Variants in LRRC28 observed in about 807,000 individuals in gnomAD.
LRRC28 encodes the protein leucine rich repeat containing 28.
LRRC28 carries 39 observed loss-of-function variants against 45.7 expected under a neutral mutation model. The ratio of observed to expected loss-of-function variants is 0.85; its 90% CI spans 0.66 to 1.12. The LOEUF (loss-of-function observed/expected upper bound fraction) is 1.12, where lower values mean the gene tolerates loss of function less well. Ranked by LOEUF, LRRC28 falls within the 50% of genes most tolerant of loss-of-function variation. The pLI, the probability that LRRC28 is intolerant of heterozygous loss-of-function variation, is 0.00. For synonymous variants in LRRC28, 206 were observed against 178.8 expected (o/e 1.15, Z -1.22); for missense variants, 435 against 438.5 (o/e 0.99, Z 0.07).
rs758820184 is a variant in LRRC28 at position 99,390,253 on chromosome 15, G to T, written c.*4151G>T. ...ATAGCCAAGTGACTGACATTCTCTC[G>T]GTCAGGAAAAGAGCTTGCTTCACAG... On this transcript the variant is annotated 3_prime_UTR_variant, in exon 10 of 10. Coordinates refer to ENST00000301981, the MANE Select transcript of LRRC28 (RefSeq NM_144598.5). 6.6e-6 allele frequency: 1 copy of T among 152,216 alleles called. No individual in the cohort carries two copies. The allele number at this position is 152,216 out of a possible 1,614,324, so 9.4% of individuals were successfully genotyped here. A position where few individuals can be genotyped will look rare whatever the true frequency, so the allele number is the denominator to read the frequency against.
rs57298947 is a variant in LRRC28 at position 99,334,402 on chromosome 15, AGTGTGTGTGTGTGT to A, written c.592+298_592+311del. ...ATTTCCTCAGAGAAAGGAATTAAAG[AGTGTGTGTGTGTGT>A]GTGTGTGTGTGTGTGTGTGTGTGTA... On this transcript the variant is annotated intron_variant, in intron 6 of 9. Transcript: ENST00000301981. Among the ~76,000 whole-genome samples the A allele has an allele frequency of 3.2e-4, 47 of 144,696 alleles. No homozygotes were observed. The South Asian group carries it at 5.2e-3, about 16-fold the overall frequency. 94.9% of individuals were successfully genotyped at this position (144,696 alleles called of 152,430 possible).
At chr15:99,345,721 G>A (rs1956658593) in intron 6 of LRRC28, among the ~76,000 whole-genome samples, 1 of 152,202 alleles carries the variant, frequency 6.6e-6, no homozygotes, top group Non-Finnish European at 1.5e-5. Flanking sequence ...TAAGTTAACA[G>A]TATGCAATAT....
At chr15:99,293,628 A>AAAAAAC (rs2082190627) in intron 5 of LRRC28, among the ~76,000 whole-genome samples, 1 of 142,166 alleles carries the variant, frequency 7.0e-6, no homozygotes, top group Non-Finnish European at 1.5e-5. Context: ...AAAAAAAAAA[A>AAAAAAC]AAAAACCTAA....
chr15:99,258,915 AG>A, intron 2 of LRRC28: 2 of 722,630 alleles, frequency 2.8e-6, no homozygotes, highest in Admixed American at 3.6e-5. Flanking sequence ...AATTTTGTCA[AG>A]GGTGTGGTGG....
At chr15:99,345,704 G>A (rs1248635935) in intron 6 of LRRC28, among the ~76,000 whole-genome samples, 2 of 152,148 alleles carry the variant, frequency 1.3e-5, no homozygotes, top group African/African-American at 4.8e-5. Context: ...GTCCATGCAT[G>A]TTTACTTAAG....
At chr15:99,290,023 C>T (rs1208902389) in intron 5 of LRRC28, among the ~76,000 whole-genome samples, 8 of 149,322 alleles carry the variant, frequency 5.4e-5, no homozygotes, top group African/African-American at 1.7e-4. Context: ...TTTGGGAGGC[C>T]GAGGTGGGTG....
intron 2 of LRRC28, among the ~76,000 whole-genome samples, chr15:99,271,808 G>A (rs1201708687): frequency 1.3e-5 from 2 of 152,042 alleles, no homozygotes; most frequent in Admixed American, 6.5e-5. Context: ...CATGTTGGTC[G>A]GGCTGGTCTC....
Position 99,334,082 on chromosome 15 carries a change from T to G in LRRC28, c.545T>G (p.Leu182Arg), listed in dbSNP as rs766479418. 1.2e-5 allele frequency: 19 copies of G among 1,614,142 alleles called. No homozygotes were observed. In the East Asian group the frequency reaches 1.8e-4, roughly 15 times the overall value. ...VPRHLCQLPS[L>R]NELSMAGNRL... Reference sequence around the variant, plus strand: ...CGCCATCTCTGCCAGCTGCCCAGCCTCAATGAGCTCTCCATGGCTGGAAAC... The same window carrying G: ...CGCCATCTCTGCCAGCTGCCCAGCCGCAATGAGCTCTCCATGGCTGGAAAC... Residue 182 changes from leucine (L) to arginine (R), a missense_variant, in exon 6 of 10, where the codon CTC becomes CGC. Coordinates refer to ENST00000301981, the MANE Select transcript of LRRC28 (RefSeq NM_144598.5).
intron 5 of LRRC28, among the ~76,000 whole-genome samples, chr15:99,333,389 T>A (rs1313267546): frequency 1.3e-5 from 2 of 152,228 alleles, no homozygotes; most frequent in African/African-American, 4.8e-5. Flanking sequence ...TAACTGTATC[T>A]CATTTTATTG....
rs375192587 is a variant in LRRC28, at chr15:99,276,633, A to G, written c.209+17A>G. 24 of 1,501,746 alleles carry G rather than the reference A, an allele frequency of 1.6e-5. No individual in the cohort carries two copies. The highest frequency in any genetic ancestry group is 1.8e-5 in the Non-Finnish European group (20 of 1,125,496). The allele number at this position is 1,501,746 out of a possible 1,614,324, so 93.0% of individuals were successfully genotyped here. On this transcript the variant is annotated intron_variant, in intron 3 of 9. Transcript: ENST00000301981. ...TGTGGAACTGTGAGTCTGTTTATTC[A>G]AATTTTTTAAAGACAAGAATGAAAA...
rs2081934214 is a variant in LRRC28, at chr15:99,285,519, GC to G, written c.210-1736del. ...TCTCATCGGTTGTTTCAAAGCTCAG[GC>G]CTCCAATGAAGAGCTTCCTCAGCTG... On this transcript the variant is annotated intron_variant, in intron 3 of 9. Transcript: ENST00000301981. 2.0e-5 allele frequency: 21 copies of G among 1,075,670 alleles called. No individual in the cohort carries two copies. The South Asian group carries it at 2.9e-4, about 15-fold the overall frequency. 66.6% of individuals were successfully genotyped at this position (1,075,670 alleles called of 1,614,324 possible). A position where few individuals can be genotyped will look rare whatever the true frequency, so the allele number is the denominator to read the frequency against.
rs550200143 is a variant in LRRC28, at chr15:99,335,960, C to G, written c.592+1831C>G. Among the ~76,000 whole-genome samples, 4 of 152,216 alleles carry G rather than the reference C, an allele frequency of 2.6e-5. No individual in the cohort carries two copies. The East Asian group carries it at 5.8e-4, about 22-fold the overall frequency. On this transcript the variant is annotated intron_variant, in intron 6 of 9. Transcript: ENST00000301981. ...AAGTTGCAAATTTCATTATAAGCAG[C>G]CTTTAACTTACTGTGGCTTGACTTT...
rs193082123 is a variant in LRRC28, at chr15:99,328,746, A to G, written c.386-5177A>G. On this transcript the variant is annotated intron_variant, in intron 5 of 9. Transcript: ENST00000301981. ...GAAGGTGAATTGGTCTGTGTCTCAG[A>G]GAAGGGACAGCCTTTTCTCCTGCTG... is the stretch of plus-strand genomic sequence containing the variant. 7.3e-5 allele frequency among the ~76,000 whole-genome samples: 11 copies of G among 149,864 alleles called. 1 individual carries two copies. Among genetic ancestry groups the G allele is most frequent in the Admixed American group, 1.3e-4 (2 of 14,934 alleles).
chr15:99,340,651 C>A (rs925759265), intron 6 of LRRC28, among the ~76,000 whole-genome samples: 6 of 152,006 alleles, frequency 3.9e-5, no homozygotes, highest in African/African-American at 1.5e-4. Context: ...GAATTTGTGG[C>A]CTTAAGTAAA....
chr15:99,383,857 G>A (rs1448300704), intron 9 of LRRC28, among the ~76,000 whole-genome samples: 1 of 152,132 alleles, frequency 6.6e-6, no homozygotes, highest in Non-Finnish European at 1.5e-5. Flanking sequence ...GTCTAGCATA[G>A]CTGTCTCATT....
chr15:99,290,258 CAAAAAAAAAAGAAAAAAA>C (rs1474613719), intron 5 of LRRC28, among the ~76,000 whole-genome samples: 2 of 121,166 alleles, frequency 1.7e-5, no homozygotes, highest in Non-Finnish European at 3.5e-5. Flanking sequence ...GACCCTGCCT[CAAAAAAAAAAGAAAAAAA>C]GAAAAAAATG....
rs2152564079 is a variant in LRRC28, at chr15:99,386,443, T to A, written c.*341T>A. On this transcript the variant is annotated 3_prime_UTR_variant, in exon 10 of 10. Transcript: ENST00000301981. ...TTGATCATCTAGCCAGATTCCCTTT[T>A]GAACACACATACCTTCAGTGATGCT... 1 of 215,980 alleles carries A rather than the reference T, an allele frequency of 4.6e-6. No homozygotes were observed. The highest frequency in any genetic ancestry group is 1.0e-4 in the East Asian group (1 of 9,738). The allele number at this position is 215,980 out of a possible 1,614,324, so 13.4% of individuals were successfully genotyped here.
chr15:99,338,893 C>G (rs909435594), intron 6 of LRRC28, among the ~76,000 whole-genome samples: 1 of 152,168 alleles, frequency 6.6e-6, no homozygotes, highest in East Asian at 1.9e-4. Context: ...AAAAGATGCA[C>G]CGGAAGAAAA....
At chr15:99,382,753 A>C (rs768462742) in intron 9 of LRRC28, among the ~76,000 whole-genome samples, 22 of 117,560 alleles carry the variant, frequency 1.9e-4, no homozygotes, top group Non-Finnish European at 3.4e-4. Flanking sequence ...GTCCATGGGC[A>C]TTTGAAAAAA....
Sources: gnomAD v4.1 joint callset for allele counts (sites outside exome capture counted in the v4.1 genomes callset) on GRCh38, gnomAD v4.1.1 for gene constraint, MANE v1.5 for transcripts, NCBI Gene and HGNC (gene_info 2026-07-23, HGNC 2026-07-21) for gene names.